Variants in ATP8A2 observed in about 807,000 individuals in gnomAD.
ATP8A2 encodes phospholipid-transporting ATPase IB.
ATP8A2 carries 100 observed loss-of-function variants against 165.6 expected under a neutral mutation model. That is an observed-to-expected ratio of 0.60 (90% CI 0.51 to 0.71). ATP8A2 has a LOEUF of 0.71. Among genes scored for constraint, ATP8A2 ranks in the 30% least tolerant of loss-of-function variants. The pLI, the probability that ATP8A2 is intolerant of heterozygous loss-of-function variation, is 0.00. For synonymous variants in ATP8A2, 543 were observed against 548.8 expected (o/e 0.99, Z 0.15); for missense variants, 1,227 against 1,479.5 (o/e 0.83, Z 2.80).
Position 25,459,311 on chromosome 13 carries a change from G to A in ATP8A2, c.77-9666G>A, listed in dbSNP as rs150841856. Among the ~76,000 whole-genome samples, 763 of 152,316 alleles carry A rather than the reference G, an allele frequency of 5.0e-3. 7 individuals are homozygous for A. The highest frequency in any genetic ancestry group is 0.018 in the African/African-American group (736 of 41,570). ...CTTTCTATACAGGATGATGCCTTAG[G>A]AGGTGGGTCAGATTAGTTGCAGACT... On this transcript the variant is annotated intron_variant, in intron 1 of 36. Coordinates refer to ENST00000381655, the MANE Select transcript of ATP8A2 (RefSeq NM_016529.6).
intron 1 of ATP8A2, among the ~76,000 whole-genome samples, chr13:25,463,029 A>T (rs1287071236): frequency 6.6e-6 from 1 of 151,674 alleles, no homozygotes; most frequent in Non-Finnish European, 1.5e-5. Flanking sequence ...GTTGGGAGGA[A>T]GACGAGGGTG....
At chr13:25,681,586 C>T (rs972234512) in intron 24 of ATP8A2, among the ~76,000 whole-genome samples, 3 of 152,092 alleles carry the variant, frequency 2.0e-5, no homozygotes, top group East Asian at 1.9e-4. Flanking sequence ...AGGCAGATTA[C>T]GGGAATGGCT....
chr13:25,803,691 A>G (rs1950668910), intron 27 of ATP8A2, among the ~76,000 whole-genome samples: 1 of 152,210 alleles, frequency 6.6e-6, no homozygotes, highest in African/African-American at 2.4e-5. Context: ...CTCAGATGTT[A>G]CCATTACCTG....
intron 33 of ATP8A2, among the ~76,000 whole-genome samples, chr13:25,957,607 A>T (rs1192826500): frequency 1.3e-5 from 2 of 152,242 alleles, no homozygotes; most frequent in African/African-American, 4.8e-5. Context: ...TTAAAAAGTC[A>T]GGAAACAAAA....
intron 25 of ATP8A2, among the ~76,000 whole-genome samples, chr13:25,701,533 G>C (rs147039255): frequency 3.3e-5 from 5 of 152,094 alleles, no homozygotes; most frequent in African/African-American, 1.2e-4. Context: ...CCCCTGACTC[G>C]CTGGTGGACA....
At chr13:25,876,503 C>T (rs1459210600) in intron 33 of ATP8A2, among the ~76,000 whole-genome samples, 1 of 152,036 alleles carries the variant, frequency 6.6e-6, no homozygotes, top group Non-Finnish European at 1.5e-5. Flanking sequence ...AGCCATGAAA[C>T]CTGGAAGGAG....
At chr13:25,597,084 C>G (rs1018842533) in intron 24 of ATP8A2, among the ~76,000 whole-genome samples, 1 of 151,834 alleles carries the variant, frequency 6.6e-6, no homozygotes, top group Non-Finnish European at 1.5e-5. Flanking sequence ...AAACTTTTGC[C>G]CATTTAAAAA....
chr13:25,456,739 G>A (rs974780927), intron 1 of ATP8A2, among the ~76,000 whole-genome samples: 3 of 152,196 alleles, frequency 2.0e-5, no homozygotes, highest in Non-Finnish European at 4.4e-5. Flanking sequence ...TGAAAGCAGG[G>A]AGAGGGTTTT....
intron 33 of ATP8A2, among the ~76,000 whole-genome samples, chr13:25,884,718 T>C (rs1177764860): frequency 1.3e-5 from 2 of 152,194 alleles, no homozygotes; most frequent in Non-Finnish European, 2.9e-5. Context: ...AAGCATGCTT[T>C]GAAAAGTAAA....
chr13:25,798,181 A>T lies in ATP8A2; in HGVS notation c.2679+23222A>T, dbSNP rs139176537. Among the ~76,000 whole-genome samples, 499 of 152,344 alleles carry T rather than the reference A, an allele frequency of 3.3e-3. 4 individuals are homozygous for T. Among genetic ancestry groups the T allele is most frequent in the African/African-American group, 0.011 (465 of 41,576 alleles). On this transcript the variant is annotated intron_variant, in intron 27 of 36. Transcript: ENST00000381655. ...ACTAATGGCCACCATGTGTCACATA[A>T]TGAGCTTCCAGACTGAAATCAGACC...
intron 25 of ATP8A2, among the ~76,000 whole-genome samples, chr13:25,763,430 A>G (rs1378902415): frequency 6.6e-6 from 1 of 152,110 alleles, no homozygotes; most frequent in Admixed American, 6.6e-5. Context: ...TTTTATAGTG[A>G]GGGAGCTTTT....
rs534430067 is a variant in ATP8A2, at chr13:25,694,248, G to A, written c.2212-4925G>A. On this transcript the variant is annotated intron_variant, in intron 24 of 36. Coordinates refer to ENST00000381655, the MANE Select transcript of ATP8A2 (RefSeq NM_016529.6). ...CTGTGCCCTCTTACAAAAAGCCACA[G>A]GCAATGGGCTCCACATTTCAGAGAT... Among the ~76,000 whole-genome samples, 3 of 152,140 alleles carry A rather than the reference G, an allele frequency of 2.0e-5. No individual in the cohort carries two copies. The South Asian group carries it at 6.2e-4, about 32-fold the overall frequency.
chr13:26,015,275 G>A (rs1015667932), intron 36 of ATP8A2, among the ~76,000 whole-genome samples: 3 of 152,164 alleles, frequency 2.0e-5, no homozygotes, highest in Admixed American at 6.5e-5. Flanking sequence ...GAAGATCGTC[G>A]GGTGGTCAGA....
chr13:25,693,320 A>G (rs942467338), intron 24 of ATP8A2, among the ~76,000 whole-genome samples: 7 of 152,200 alleles, frequency 4.6e-5, no homozygotes, highest in African/African-American at 1.7e-4. Context: ...GAAGGGACCT[A>G]TGTTCCACCA....
intron 25 of ATP8A2, among the ~76,000 whole-genome samples, chr13:25,711,788 T>C (rs2043164791): frequency 6.6e-6 from 1 of 152,160 alleles, no homozygotes; most frequent in African/African-American, 2.4e-5. Context: ...CATTTAAGAG[T>C]TAGAATCTGT....
chr13:25,577,174 C>A, intron 20 of ATP8A2, 36 bp downstream of exon 20: 1 of 1,560,156 alleles, frequency 6.4e-7, no homozygotes, highest in Non-Finnish European at 8.8e-7. Context: ...TAGCGGAGTT[C>A]TTGGCAGCTT....
chr13:25,891,129 T>C (rs1174150423), intron 33 of ATP8A2, among the ~76,000 whole-genome samples: 1 of 152,230 alleles, frequency 6.6e-6, no homozygotes, highest in Non-Finnish European at 1.5e-5. Flanking sequence ...CATTGTCCCC[T>C]AAGATTTACT....
chr13:25,926,684 C>T (rs771694073), intron 33 of ATP8A2, among the ~76,000 whole-genome samples: 1 of 152,010 alleles, frequency 6.6e-6, no homozygotes, highest in South Asian at 2.1e-4. Flanking sequence ...GATTTATTAC[C>T]AGTCACAAAA....
chr13:25,818,901 A>G (rs1422320503), intron 27 of ATP8A2, among the ~76,000 whole-genome samples: 1 of 152,222 alleles, frequency 6.6e-6, no homozygotes, highest in Non-Finnish European at 1.5e-5. Flanking sequence ...GAATGTGGCA[A>G]GCTCGAAGAG....
Sources: gnomAD v4.1 joint callset for allele counts (sites outside exome capture counted in the v4.1 genomes callset) on GRCh38, gnomAD v4.1.1 for gene constraint, MANE v1.5 for transcripts, NCBI Gene and HGNC (gene_info 2026-07-23, HGNC 2026-07-21) for gene names.